TUBD1: variants seen among roughly 807,000 people sequenced by gnomAD.
TUBD1 encodes tubulin delta chain.
TUBD1 carries 38 observed loss-of-function variants against 51.2 expected under a neutral mutation model. The ratio of observed to expected loss-of-function variants is 0.74; its 90% confidence interval spans 0.57 to 0.97. The LOEUF is 0.97. TUBD1 is among the 50% of genes least tolerant of loss of function. The pLI, the probability that TUBD1 is intolerant of heterozygous loss-of-function variation, is 0.00. For synonymous variants in TUBD1, 169 were observed against 178.2 expected (o/e 0.95, Z 0.41); for missense variants, 489 against 538.4 (o/e 0.91, Z 0.91).
chr17:59,865,614 T>C (rs1330780418), intron 7 of TUBD1, among the ~76,000 whole-genome samples: 1 of 152,136 alleles, frequency 6.6e-6, no homozygotes, highest in East Asian at 1.9e-4. Context: ...TCTTTCAACT[T>C]CCTGAAAAAT....
rs748906063 is a variant in TUBD1 at position 59,860,390 on chromosome 17, C to T, written c.1294G>A (p.Glu432Lys). ...AAACTGTCTAAAAAGTCCTCTTCTT[C>T]GATTCCAAATTTTGTGTACTGATGA... ...YIHQYTKFGIEEEDFLDSFTS... is the reference protein window; with the variant it reads ...YIHQYTKFGIKEEDFLDSFTS... Residue 432 changes from glutamate to lysine, a missense_variant, in exon 9 of 9, where the codon GAA becomes AAA. By Grantham distance (56) the Glu-to-Lys change is moderately conservative. Transcript: ENST00000325752. 2.3e-5 allele frequency: 37 copies of T among 1,609,928 alleles called. No homozygotes were observed. The highest frequency in any genetic ancestry group is 2.7e-5 in the Non-Finnish European group (32 of 1,178,376).
In TUBD1 at chr17:59,860,266, T is replaced by C; in HGVS notation, c.*56A>G. On this transcript the variant is annotated 3_prime_UTR_variant, in exon 9 of 9. Coordinates refer to ENST00000325752, the MANE Select transcript of TUBD1 (RefSeq NM_016261.4). ...TGAAAACTTTACAGAGAAAATAGTATTGAAAATATTTTAGTCCAGAAATGC... is the reference window on the plus strand; with the variant it reads ...TGAAAACTTTACAGAGAAAATAGTACTGAAAATATTTTAGTCCAGAAATGC... The C allele has an allele frequency of 2.5e-6, 3 of 1,218,042 alleles. No individual in the cohort carries two copies. The highest frequency in any genetic ancestry group is 1.5e-5 in the African/African-American group (1 of 65,614). The allele number at this position is 1,218,042 out of a possible 1,614,324, so 75.5% of individuals were successfully genotyped here.
intron 5 of TUBD1, among the ~76,000 whole-genome samples, chr17:59,877,368 A>T (rs1159082524): frequency 6.6e-6 from 1 of 152,224 alleles, no homozygotes; most frequent in Admixed American, 6.5e-5. Context: ...GCTGACGCGC[A>T]CATTGACAAC....
intron 2 of TUBD1, among the ~76,000 whole-genome samples, chr17:59,886,833 T>C (rs1296366050): frequency 6.6e-6 from 1 of 151,624 alleles, no homozygotes; most frequent in African/African-American, 2.4e-5. Flanking sequence ...GGTGGATCAC[T>C]TGAGGCCAGG....
intron 3 of TUBD1, chr17:59,885,609 A>G: frequency 1.1e-6 from 1 of 937,380 alleles, no homozygotes; most frequent in Non-Finnish European, 1.7e-6. Context: ...ATTCCTAGAA[A>G]TTTAACCTTA....
intron 3 of TUBD1, among the ~76,000 whole-genome samples, chr17:59,881,987 T>C (rs2040508978): frequency 6.6e-6 from 1 of 152,164 alleles, no homozygotes; most frequent in African/African-American, 2.4e-5. Context: ...TATTTTGATA[T>C]ATACAATAAA....
At chr17:59,874,170 C>G (rs1214087330) in intron 6 of TUBD1, among the ~76,000 whole-genome samples, 7 of 107,912 alleles carry the variant, frequency 6.5e-5, no homozygotes, top group Non-Finnish European at 1.2e-4. Flanking sequence ...GCCTGGGCGA[C>G]AGAGCAAGAC....
At chr17:59,873,095 G>A (rs921031826) in intron 6 of TUBD1, among the ~76,000 whole-genome samples, 2 of 151,924 alleles carry the variant, frequency 1.3e-5, no homozygotes, top group Admixed American at 6.6e-5. Context: ...GAATGCAAGA[G>A]ATAACAATAT....
At position 59,874,708 on chromosome 17, in the gene TUBD1, A is replaced by G; in HGVS notation, c.770-5T>C. 6.2e-7 allele frequency: 1 copy of G among 1,600,838 alleles called. No individual in the cohort carries two copies. Among genetic ancestry groups the G allele is most frequent in the Non-Finnish European group, 8.5e-7 (1 of 1,177,188 alleles). On this transcript the variant is annotated splice_region_variant and splice_polypyrimidine_tract_variant and intron_variant, in intron 5 of 8. Transcript: ENST00000325752. ...CTAAATGCTCCATTAAGTCTCCTGT[A>G]AAGAAAAAAAAATCTGAACTAATTT... is the stretch of plus-strand genomic sequence containing the variant.
At chr17:59,861,842 G>C (rs142343306) in intron 8 of TUBD1, among the ~76,000 whole-genome samples, 1 of 148,708 alleles carries the variant, frequency 6.7e-6, no homozygotes, top group South Asian at 2.2e-4. Context: ...TGTTTTTTGT[G>C]TTTTTAGTAG....
chr17:59,890,694 C>T (rs1568336179), intron 2 of TUBD1, 137 bp downstream of exon 2: 1 of 714,610 alleles, frequency 1.4e-6, no homozygotes, highest in African/African-American at 1.8e-5. Flanking sequence ...AGATTATTAA[C>T]ATAGAAATGA....
chr17:59,868,891 C>T lies in TUBD1; in HGVS notation c.935-2142G>A, dbSNP rs775788680. Among the ~76,000 whole-genome samples, 89 of 151,550 alleles carry T rather than the reference C, an allele frequency of 5.9e-4. 1 individual carries two copies. The highest frequency in any genetic ancestry group is 4.6e-4 in the Non-Finnish European group (31 of 67,836). On this transcript the variant is annotated intron_variant, in intron 6 of 8. Transcript: ENST00000325752. ...AAAATTAGTCACTTATGGTGGTACA[C>T]ACCTGTAGTCCTAGCTATAGGAAGC...
chr17:59,869,926 C>A (rs1022774527), intron 6 of TUBD1, among the ~76,000 whole-genome samples: 81 of 151,648 alleles, frequency 5.3e-4, no homozygotes, highest in Non-Finnish European at 9.3e-4. Context: ...TAAGCACAAA[C>A]AAGAAAAAAA....
intron 3 of TUBD1, chr17:59,885,216 G>A (rs1021573562): frequency 2.6e-5 from 12 of 467,008 alleles, no homozygotes; most frequent in African/African-American, 2.0e-4. Context: ...TTACCCGGAT[G>A]ATGACATGGG....
chr17:59,885,329 T>C lies in TUBD1; in HGVS notation c.320+754A>G, dbSNP rs2040672003. The stretch of plus-strand genomic sequence containing the variant: ...TGGGGTGAACCGATGCACTGGCAGC[T>C]AGACATGTATACCAGGAATATGTCC... On this transcript the variant is annotated intron_variant, in intron 3 of 8. Coordinates refer to ENST00000325752, the MANE Select transcript of TUBD1 (RefSeq NM_016261.4). 1.2e-5 allele frequency: 8 copies of C among 653,818 alleles called. No individual in the cohort carries two copies. In the South Asian group the frequency reaches 1.2e-4, roughly 10 times the overall value. 40.5% of individuals were successfully genotyped at this position (653,818 alleles called of 1,614,324 possible).
intron 4 of TUBD1, among the ~76,000 whole-genome samples, chr17:59,879,269 A>AG (rs71145585): frequency 5.5e-3 from 3 of 546 alleles, no homozygotes; most frequent in Non-Finnish European, 0.038. Flanking sequence ...ACTCTGTCTC[A>AG]AAAAAAAAAA....
At chr17:59,873,733 C>T (rs1480586424) in intron 6 of TUBD1, among the ~76,000 whole-genome samples, 1 of 152,018 alleles carries the variant, frequency 6.6e-6, no homozygotes, top group Non-Finnish European at 1.5e-5. Context: ...GGCATGGTAG[C>T]ACACGCCTGT....
intron 6 of TUBD1, among the ~76,000 whole-genome samples, chr17:59,874,168 G>A (rs1342473032): frequency 8.0e-6 from 1 of 125,618 alleles, no homozygotes; most frequent in African/African-American, 3.0e-5. Flanking sequence ...CAGCCTGGGC[G>A]ACAGAGCAAG....
Position 59,891,061 on chromosome 17 carries a change from G to C in TUBD1, c.-39-20C>G. ...AACAACCTGTAATCGAAAAAAATAC[G>C]CTTTGAGAACCACTACATTACTAAT... On this transcript the variant is annotated intron_variant, in intron 1 of 8. Coordinates refer to ENST00000325752, the MANE Select transcript of TUBD1 (RefSeq NM_016261.4). 1.5e-6 allele frequency: 2 copies of C among 1,344,782 alleles called. No individual in the cohort carries two copies. The highest frequency in any genetic ancestry group is 2.6e-5 in the South Asian group (2 of 76,382). The allele number at this position is 1,344,782 out of a possible 1,614,324, so 83.3% of individuals were successfully genotyped here.
Sources: allele counts gnomAD v4.1 joint callset (sites outside exome capture counted in the v4.1 genomes callset), GRCh38; gene constraint gnomAD v4.1.1; transcripts MANE v1.5; gene names NCBI Gene and HGNC (gene_info 2026-07-23, HGNC 2026-07-21).